MARK3: variants seen among roughly 807,000 people sequenced by gnomAD.
MARK3 encodes MAP/microtubule affinity-regulating kinase 3.
A neutral mutation model predicts 90.1 loss-of-function variants in MARK3; 46 were observed. That is an observed-to-expected ratio of 0.51 (90% confidence interval 0.40 to 0.65). The LOEUF is 0.65. Ranked by LOEUF, MARK3 falls within the 30% of genes least tolerant of loss-of-function variation. The pLI, the probability that MARK3 is intolerant of heterozygous loss-of-function variation, is 0.00. For missense variants in MARK3, 818 were observed against 947.2 expected, an observed-to-expected ratio of 0.86 and a Z score of 1.79; for synonymous variants, 321 against 332.6, an observed-to-expected ratio of 0.97 and a Z score of 0.38.
chr14:103,472,689 C>G (rs1331191854), intron 12 of MARK3, among the ~76,000 whole-genome samples: 2 of 150,606 alleles, frequency 1.3e-5, no homozygotes, highest in Non-Finnish European at 3.0e-5. Context: ...TGTGACACAT[C>G]CATACCATGG....
chr14:103,387,078 T>C (rs562878154), intron 1 of MARK3, among the ~76,000 whole-genome samples: 1 of 152,230 alleles, frequency 6.6e-6, no homozygotes, highest in Non-Finnish European at 1.5e-5. Context: ...CACTGGCCTT[T>C]CATTAAAAGT....
chr14:103,415,764 T>C (rs1202734978), intron 2 of MARK3, among the ~76,000 whole-genome samples: 1 of 152,240 alleles, frequency 6.6e-6, no homozygotes, highest in Non-Finnish European at 1.5e-5. Context: ...AAGTAATGCA[T>C]GCACATAGCT....
intron 12 of MARK3, among the ~76,000 whole-genome samples, chr14:103,474,192 T>C (rs2141739868): frequency 1.3e-5 from 2 of 152,252 alleles, no homozygotes; most frequent in South Asian, 4.1e-4. Context: ...GCGAGAGAGC[T>C]AGACTCCGTC....
At chr14:103,462,061 C>T (rs954980405) in intron 6 of MARK3, among the ~76,000 whole-genome samples, 2 of 148,810 alleles carry the variant, frequency 1.3e-5, no homozygotes, top group Non-Finnish European at 3.0e-5. Flanking sequence ...AAAGTTGCAC[C>T]AGAGCCATCG....
rs34657716 is a variant in MARK3 at position 103,449,412 on chromosome 14, CAAAAAA to C, written c.346+459_346+464del. Among the ~76,000 whole-genome samples, 8 of 83,990 alleles carry C rather than the reference CAAAAAA, an allele frequency of 9.5e-5. No individual in the cohort carries two copies. In the East Asian group the frequency reaches 1.4e-3, roughly 14 times the overall value. The allele number at this position is 83,990 out of a possible 152,430, so 55.1% of individuals were successfully genotyped here. On this transcript the variant is annotated intron_variant, in intron 4 of 17. Transcript: ENST00000429436. ...GCAACAGAGCGAGACCCCGTCTCTC[CAAAAAA>C]AAAAAAAAAAAAAGTAATAATAATA...
chr14:103,406,745 G>A (rs1025196529), intron 2 of MARK3, among the ~76,000 whole-genome samples: 1 of 148,356 alleles, frequency 6.7e-6, no homozygotes, highest in Admixed American at 6.8e-5. Context: ...TGGGATTATA[G>A]GCATGAGCCA....
intron 3 of MARK3, among the ~76,000 whole-genome samples, chr14:103,430,306 T>C (rs145398345): frequency 2.0e-5 from 3 of 152,298 alleles, no homozygotes; most frequent in African/African-American, 4.8e-5. Flanking sequence ...ATGAAGTAAA[T>C]TAGAAGCATT....
At position 103,502,960 on chromosome 14, in the gene MARK3, A is replaced by G; in HGVS notation, c.1995A>G (p.Lys665=). 1 of 1,614,270 alleles carries G rather than the reference A, an allele frequency of 6.2e-7. No homozygotes were observed. Among genetic ancestry groups the G allele is most frequent in the African/African-American group, 1.3e-5 (1 of 75,070 alleles). The change falls in exon 18 of 18, where the codon AAA becomes AAG. Residue 665 remains lysine, a synonymous_variant. Coordinates refer to ENST00000429436, the MANE Select transcript of MARK3 (RefSeq NM_001128918.3). ...PRSLRFTWSM[K]TTSSMDPGDM... ...CCCTACGCTTCACCTGGAGCATGAA[A>G]ACCACTAGTTCAATGGATCCCGGGG...
rs530625129 is a variant in MARK3 at position 103,443,359 on chromosome 14, T to A, written c.298-5560T>A. Among the ~76,000 whole-genome samples the A allele has an allele frequency of 4.6e-5, 7 of 152,352 alleles. No individual in the cohort carries two copies. The East Asian group carries it at 1.3e-3, about 29-fold the overall frequency. On this transcript the variant is annotated intron_variant, in intron 3 of 17. Transcript: ENST00000429436. ...CTTTTCTCAAATTCAGAAACAATGCTATTGAAATATATTGGAAACAGGAAC... is the reference window on the plus strand; with the variant it reads ...CTTTTCTCAAATTCAGAAACAATGCAATTGAAATATATTGGAAACAGGAAC...
Position 103,491,798 on chromosome 14 carries a change from T to C in MARK3, c.1608T>C (p.Thr536=), listed in dbSNP as rs752976719. 4 of 1,614,168 alleles carry C rather than the reference T, an allele frequency of 2.5e-6. No homozygotes were observed. In the South Asian group the frequency reaches 3.3e-5, roughly 13 times the overall value. The change falls in exon 15 of 18, where the codon ACT becomes ACC. Residue 536 remains threonine, a synonymous_variant. Coordinates refer to ENST00000429436, the MANE Select transcript of MARK3 (RefSeq NM_001128918.3). ...ATAGCACTATTCCTGATCAGAGAAC[T>C]CCAGTTGCTTCAACACACAGTATCA... ...KENSTIPDQR[T]PVASTHSISS...
chr14:103,460,427 A>G (rs2093378973), intron 6 of MARK3, among the ~76,000 whole-genome samples: 1 of 152,144 alleles, frequency 6.6e-6, no homozygotes, highest in South Asian at 2.1e-4. Flanking sequence ...TGGGCTGGTA[A>G]TATTGATGAT....
rs757596077 is a variant in MARK3, at chr14:103,491,844, C to A, written c.1654C>A (p.Arg552=). ...TATCAGTAGTGCAGCCACCCCAGAT[C>A]GAATCCGCTTCCCAAGAGGCACTGC... is the stretch of plus-strand genomic sequence containing the variant. ...HSISSAATPD[R]IRFPRGTASR... is the part of the protein sequence containing the mutation. Residue 552 remains arginine (R), a synonymous_variant, in exon 15 of 18, where the codon CGA becomes AGA. Coordinates refer to ENST00000429436, the MANE Select transcript of MARK3 (RefSeq NM_001128918.3). 12 of 1,614,096 alleles carry A rather than the reference C, an allele frequency of 7.4e-6. No individual in the cohort carries two copies. Among genetic ancestry groups the A allele is most frequent in the Non-Finnish European group, 1.0e-5 (12 of 1,180,054 alleles).
intron 8 of MARK3, 31 bp from the exon 9 acceptor site, chr14:103,465,941 C>T: frequency 1.9e-6 from 3 of 1,601,150 alleles, no homozygotes; most frequent in Non-Finnish European, 2.6e-6. Flanking sequence ...GGTTGACTTA[C>T]TCGTTTTCTT....
chr14:103,448,830 AAAATTT>A (rs913771559), intron 3 of MARK3, 83 bp from the exon 4 acceptor site: 9 of 1,325,914 alleles, frequency 6.8e-6, no homozygotes, highest in African/African-American at 1.5e-5. Flanking sequence ...ATCTAAGAGA[AAAATTT>A]AAATTTATAT....
intron 5 of MARK3, among the ~76,000 whole-genome samples, chr14:103,452,534 C>T (rs911998231): frequency 7.3e-6 from 1 of 136,228 alleles, no homozygotes; most frequent in Non-Finnish European, 1.6e-5. Context: ...TGCAGTGGCG[C>T]GATCTCGGCT....
At chr14:103,387,082 TAA>T (rs1287597191) in intron 1 of MARK3, among the ~76,000 whole-genome samples, 1 of 152,226 alleles carries the variant, frequency 6.6e-6, no homozygotes, top group Non-Finnish European at 1.5e-5. Context: ...GGCCTTTCAT[TAA>T]AAGTGTTATG....
chr14:103,418,490 G>A (rs2092057330), intron 2 of MARK3, among the ~76,000 whole-genome samples: 1 of 152,026 alleles, frequency 6.6e-6, no homozygotes, highest in South Asian at 2.1e-4. Context: ...AGATATTTGT[G>A]TCCTTAGATT....
Position 103,491,784 on chromosome 14 carries a change from C to G in MARK3, c.1594C>G (p.Pro532Ala). 1 of 1,614,066 alleles carries G rather than the reference C, an allele frequency of 6.2e-7. No homozygotes were observed. Among genetic ancestry groups the G allele is most frequent in the Non-Finnish European group, 8.5e-7 (1 of 1,179,992 alleles). The change falls in exon 15 of 18, where the codon CCT (proline) becomes GCT (alanine). Residue 532 changes from proline (P) to alanine (A), a missense_variant. Around this residue, in one of 3 missense-constraint regions of MARK3, gnomAD observed 560 missense variants for 613.5 expected, o/e 0.91. Transcript: ENST00000429436. Reference protein sequence around the residue: ...IQNGKENSTIPDQRTPVASTH... With the variant: ...IQNGKENSTIADQRTPVASTH... ...TACTTTCTGATCTCATAGCACTATT[C>G]CTGATCAGAGAACTCCAGTTGCTTC...
At chr14:103,396,684 G>C (rs1191346123) in intron 1 of MARK3, among the ~76,000 whole-genome samples, 1 of 152,080 alleles carries the variant, frequency 6.6e-6, no homozygotes, top group Non-Finnish European at 1.5e-5. Flanking sequence ...CCCAAGCTTT[G>C]TTACCTCTTC....
Sources: allele counts gnomAD v4.1 joint callset (sites outside exome capture counted in the v4.1 genomes callset), GRCh38; gene constraint gnomAD v4.1.1; regional missense constraint gnomAD v4.1.1; transcripts MANE v1.5; gene names NCBI Gene and HGNC (gene_info 2026-07-23, HGNC 2026-07-21).